ABCC1: variants seen among roughly 807,000 people sequenced by gnomAD.
ABCC1 encodes ATP binding cassette subfamily C member 1 (ABCC1 blood group).
A neutral mutation model predicts 172.9 loss-of-function variants in ABCC1; 83 were observed. The observed-to-expected ratio is 0.48, with a 90% CI of 0.40 to 0.58. ABCC1 has a LOEUF of 0.58. ABCC1 is among the 20% of genes least tolerant of loss of function. The pLI is 0.00. For synonymous variants in ABCC1, 937 were observed against 825.2 expected, an observed-to-expected ratio of 1.14 and a Z score of -2.32; for missense variants, 1,817 against 2,002.7, an observed-to-expected ratio of 0.91 and a Z score of 1.77.
chr16:15,966,583 A>G (rs2046248044), intron 1 of ABCC1, among the ~76,000 whole-genome samples: 1 of 151,996 alleles, frequency 6.6e-6, no homozygotes, highest in South Asian at 2.1e-4. Flanking sequence ...CTAATTTACT[A>G]ACCCAGGATC....
intron 1 of ABCC1, among the ~76,000 whole-genome samples, chr16:16,003,781 A>T (rs1335982134): frequency 1.8e-4 from 12 of 65,732 alleles, no homozygotes; most frequent in Non-Finnish European, 1.1e-4. Context: ...GGATGGATGG[A>T]TGAACTGGTG....
intron 7 of ABCC1, among the ~76,000 whole-genome samples, chr16:16,043,346 TG>T (rs2049063797): frequency 6.6e-6 from 1 of 151,654 alleles, no homozygotes; most frequent in Admixed American, 6.6e-5. Flanking sequence ...TTGCCCAGGC[TG>T]GAGTGCAATG....
chr16:16,118,439 TTTTTTC>T (rs1253031240), intron 23 of ABCC1, among the ~76,000 whole-genome samples: 15 of 146,476 alleles, frequency 1.0e-4, no homozygotes, highest in South Asian at 2.2e-4. Context: ...TTTTTTTTTT[TTTTTTC>T]CCCTGCATTT....
chr16:16,139,448 T>C (rs1237371530), intron 30 of ABCC1, among the ~76,000 whole-genome samples: 9 of 151,294 alleles, frequency 5.9e-5, no homozygotes, highest in Admixed American at 5.3e-4. Context: ...CCTGTCACCA[T>C]TAAAAATACA....
intron 1 of ABCC1, among the ~76,000 whole-genome samples, chr16:15,981,682 T>C (rs2046623303): frequency 6.6e-6 from 1 of 152,184 alleles, no homozygotes; most frequent in African/African-American, 2.4e-5. Context: ...TGGGAGGGGC[T>C]ACTGCAAAGG....
At chr16:16,113,583 A>T (rs1270769554) in intron 22 of ABCC1, among the ~76,000 whole-genome samples, 2 of 152,162 alleles carry the variant, frequency 1.3e-5, no homozygotes, top group East Asian at 3.9e-4. Context: ...TGAGCCCAGG[A>T]GGTCGAGGCT....
rs566424778 is a variant in ABCC1, at chr16:16,105,780, G to A, written c.2736-958G>A. ...AGGCTGGAGTGCAGTGTGCAGTGGC[G>A]CGATGTCAGCCACTGAACGGAAAAC... On this transcript the variant is annotated intron_variant, in intron 20 of 30. Transcript: ENST00000399410. Among the ~76,000 whole-genome samples the A allele has an allele frequency of 7.4e-5, 11 of 148,864 alleles. No homozygotes were observed. In the South Asian group the frequency reaches 1.3e-3, roughly 17 times the overall value.
chr16:15,952,095 C>T (rs2045887490), intron 1 of ABCC1, among the ~76,000 whole-genome samples: 1 of 152,204 alleles, frequency 6.6e-6, no homozygotes, highest in Admixed American at 6.5e-5. Flanking sequence ...CTCTGTGTGC[C>T]TCACTTTCCT....
At position 16,141,972 on chromosome 16, in the gene ABCC1, C is replaced by A. The variant is rs1368442970; in HGVS notation, c.*691C>A. 1 of 152,368 alleles carries A rather than the reference C, an allele frequency of 6.6e-6. No individual in the cohort carries two copies. The highest frequency in any genetic ancestry group is 1.9e-4 in the East Asian group (1 of 5,172). 9.4% of individuals were successfully genotyped at this position (152,368 alleles called of 1,614,324 possible). The stretch of plus-strand genomic sequence containing the variant: ...GCCTCTGCACTCCCACGCCTGTCCT[C>A]CTGGAAGGGACCTGGTTGGACTAAC... On this transcript the variant is annotated 3_prime_UTR_variant, in exon 31 of 31. Transcript: ENST00000399410.
chr16:16,116,838 GCATTGACCCACTGAGCCCAGCC>G (rs1279201335), intron 23 of ABCC1, among the ~76,000 whole-genome samples: 1 of 152,174 alleles, frequency 6.6e-6, no homozygotes, highest in Non-Finnish European at 1.5e-5. Context: ...GGGATTACAG[GCATTGACCCACTGAGCCCAGCC>G]AGGGGCATTA....
chr16:16,137,586 C>A (rs896054030), intron 29 of ABCC1, among the ~76,000 whole-genome samples: 11 of 104,760 alleles, frequency 1.1e-4, no homozygotes, highest in Non-Finnish European at 1.9e-4. Context: ...GACGGAGGGT[C>A]TCACTCTATC....
chr16:15,949,738 C>T lies in ABCC1; in HGVS notation c.-14C>T. ...ACCCGCCGCCCGGTGCCCGCCGCCGCCCGCGCCACCGGCATGGCGCTCCGG... is the reference window on the plus strand; with the variant it reads ...ACCCGCCGCCCGGTGCCCGCCGCCGTCCGCGCCACCGGCATGGCGCTCCGG... On this transcript the variant is annotated 5_prime_UTR_variant, in exon 1 of 31. Coordinates refer to ENST00000399410, the MANE Select transcript of ABCC1 (RefSeq NM_004996.4). 1.7e-6 allele frequency: 2 copies of T among 1,171,010 alleles called. No homozygotes were observed. Among genetic ancestry groups the T allele is most frequent in the Non-Finnish European group, 2.1e-6 (2 of 947,104 alleles). The allele number at this position is 1,171,010 out of a possible 1,614,324, so 72.5% of individuals were successfully genotyped here.
rs976736423 is a variant in ABCC1, at chr16:16,079,583, A to G, written c.2115+105A>G. ...TGACTGTCCCTGTGCCAGAAGCGAA[A>G]GCAGCAACGTCTCTTTTCCTCCTCC... On this transcript the variant is annotated intron_variant, in intron 16 of 30. Transcript: ENST00000399410. 1.5e-5 allele frequency: 21 copies of G among 1,380,862 alleles called. No homozygotes were observed. In the African/African-American group the frequency reaches 3.0e-4, roughly 20 times the overall value. 85.5% of individuals were successfully genotyped at this position (1,380,862 alleles called of 1,614,324 possible).
intron 17 of ABCC1, among the ~76,000 whole-genome samples, chr16:16,086,394 G>A (rs538246625): frequency 1.3e-5 from 2 of 152,310 alleles, no homozygotes; most frequent in South Asian, 4.1e-4. Flanking sequence ...GAGGAGGTGG[G>A]TGCAGCTCTG....
intron 1 of ABCC1, among the ~76,000 whole-genome samples, chr16:15,967,058 C>T (rs215094): frequency 0.77 from 117,675 of 151,938 alleles, 46,363 homozygotes; most frequent in South Asian, 0.87. Context: ...AGCCGTTTGA[C>T]GCTTGGTACT....
At chr16:16,112,355 C>A (rs1168283938) in intron 22 of ABCC1, among the ~76,000 whole-genome samples, 5 of 150,720 alleles carry the variant, frequency 3.3e-5, no homozygotes, top group Admixed American at 6.7e-5. Context: ...CAGAGCAAGA[C>A]CCTGTCTCAA....
rs748359629 is a variant in ABCC1, at chr16:16,102,607, CTT to C, written c.2645-18_2645-17del. The C allele has an allele frequency of 6.4e-7, 1 of 1,561,988 alleles. No individual in the cohort carries two copies. Among genetic ancestry groups the C allele is most frequent in the South Asian group, 1.2e-5 (1 of 84,716 alleles). On this transcript the variant is annotated intron_variant, in intron 19 of 30. Transcript: ENST00000399410. ...TGCCTCATATAACCCCACTTGCCCC[CTT>C]TGTCTCTCTTCTGCCAGGGGTCACG...
At chr16:16,014,062 T>C (rs1295024782) in intron 3 of ABCC1, among the ~76,000 whole-genome samples, 1 of 152,242 alleles carries the variant, frequency 6.6e-6, no homozygotes, top group Admixed American at 6.5e-5. Context: ...ATCTTGTCTA[T>C]GGCCACTTTC....
chr16:16,083,921 A>C (rs1187397201), intron 17 of ABCC1, among the ~76,000 whole-genome samples: 1 of 152,182 alleles, frequency 6.6e-6, no homozygotes, highest in African/African-American at 2.4e-5. Context: ...CCAAGAAGGA[A>C]GTACATTCTA....
Sources: gnomAD v4.1 joint callset for allele counts (sites outside exome capture counted in the v4.1 genomes callset) on GRCh38, gnomAD v4.1.1 for gene constraint, MANE v1.5 for transcripts, NCBI Gene and HGNC (gene_info 2026-07-23, HGNC 2026-07-21) for gene names.